BID: variants seen among roughly 807,000 people sequenced by gnomAD.
BID encodes BH3-interacting domain death agonist.
Under a neutral mutation model 17.4 loss-of-function variants are expected in BID, and 19 were observed. The ratio of observed to expected loss-of-function variants is 1.09; its 90% CI spans 0.76 to 1.60. The LOEUF (loss-of-function observed/expected upper bound fraction) is 1.60. Among genes scored for constraint, BID ranks in the 40% most tolerant of loss-of-function variants. The pLI is 0.00. For missense variants in BID, 226 were observed against 256.0 expected, an observed-to-expected ratio of 0.88 and a Z score of 0.80; for synonymous variants, 108 against 102.8, an observed-to-expected ratio of 1.05 and a Z score of -0.31.
chr22:17,753,038 C>T (rs2061552699), intron 1 of BID, among the ~76,000 whole-genome samples: 1 of 138,910 alleles, frequency 7.2e-6, no homozygotes. Flanking sequence ...GCAATCTCGG[C>T]TCACTGCAAG....
At chr22:17,765,884 T>C (rs2061674553) in intron 1 of BID, among the ~76,000 whole-genome samples, 1 of 152,216 alleles carries the variant, frequency 6.6e-6, no homozygotes. Flanking sequence ...ATTATTAGTC[T>C]CATTTGCCAA....
rs563402244 is a variant in BID, at chr22:17,744,801, C to T, written c.13-788G>A. On this transcript the variant is annotated intron_variant, in intron 2 of 5. Coordinates refer to ENST00000622694, the MANE Select transcript of BID (RefSeq NM_001196.4). ...CTGTATTCTTACAGGCAAAGGTGAG[C>T]CCTGCAGCTGGGTGTGCCCAGACCA... Among the ~76,000 whole-genome samples the T allele has an allele frequency of 6.6e-5, 10 of 152,234 alleles. No homozygotes were observed. The East Asian group carries it at 1.9e-3, about 29-fold the overall frequency.
chr22:17,762,827 G>T (rs1199593815), intron 1 of BID, among the ~76,000 whole-genome samples: 1 of 151,764 alleles, frequency 6.6e-6, no homozygotes, highest in Non-Finnish European at 1.5e-5. Context: ...GGGATCTAGA[G>T]ACCAAAAAGT....
At chr22:17,772,113 G>C (rs746922930) in intron 1 of BID, among the ~76,000 whole-genome samples, 2 of 152,086 alleles carry the variant, frequency 1.3e-5, no homozygotes, top group African/African-American at 4.8e-5. Context: ...TGCTACCCTC[G>C]TCTGACCACC....
In BID at chr22:17,750,168, T is replaced by C; in HGVS notation, c.-52A>G. 6.2e-7 allele frequency: 1 copy of C among 1,612,678 alleles called. No homozygotes were observed. Among genetic ancestry groups the C allele is most frequent in the Non-Finnish European group, 8.5e-7 (1 of 1,179,698 alleles). ...TCACTCCTGGTTCACAGTGTCCCAG[T>C]GGCGACCTGGAAAGGGACACACAGA... On this transcript the variant is annotated 5_prime_UTR_variant, in exon 2 of 6. Coordinates refer to ENST00000622694, the MANE Select transcript of BID (RefSeq NM_001196.4).
At chr22:17,770,349 T>C (rs1285562685) in intron 1 of BID, among the ~76,000 whole-genome samples, 1 of 152,180 alleles carries the variant, frequency 6.6e-6, no homozygotes, top group Non-Finnish European at 1.5e-5. Context: ...TGGGATCACA[T>C]GCAGTATCAG....
chr22:17,768,669 C>G (rs529813064), intron 1 of BID, among the ~76,000 whole-genome samples: 1 of 152,130 alleles, frequency 6.6e-6, no homozygotes, highest in Non-Finnish European at 1.5e-5. Flanking sequence ...GTCAGGAGAT[C>G]GAGACCATCC....
At chr22:17,771,703 G>A (rs557510576) in intron 1 of BID, among the ~76,000 whole-genome samples, 2 of 152,254 alleles carry the variant, frequency 1.3e-5, no homozygotes, top group East Asian at 3.9e-4. Flanking sequence ...CCCCATTTTG[G>A]ACCAACGCAG....
intron 1 of BID, among the ~76,000 whole-genome samples, chr22:17,756,458 T>TC (rs1419593388): frequency 1.1e-4 from 11 of 102,990 alleles, no homozygotes; most frequent in African/African-American, 3.4e-4. Context: ...TTTCTTTCTT[T>TC]CTTTCTTTCT....
At chr22:17,753,128 G>A (rs1029832488) in intron 1 of BID, among the ~76,000 whole-genome samples, 1 of 140,154 alleles carries the variant, frequency 7.1e-6, no homozygotes, top group Non-Finnish European at 1.5e-5. Flanking sequence ...CACCACGCCT[G>A]GCTAATTTTT....
At chr22:17,771,393 C>A (rs1165693836) in intron 1 of BID, among the ~76,000 whole-genome samples, 1 of 152,146 alleles carries the variant, frequency 6.6e-6, no homozygotes, top group Non-Finnish European at 1.5e-5. Flanking sequence ...GCCACCGCGC[C>A]CGGCTGGTCT....
At chr22:17,772,970 C>T (rs775853037) in intron 1 of BID, among the ~76,000 whole-genome samples, 4 of 152,188 alleles carry the variant, frequency 2.6e-5, no homozygotes, top group East Asian at 1.9e-4. Flanking sequence ...CAGCACCTCG[C>T]CCCAGCCACG....
chr22:17,740,746 G>C (rs994347328), intron 3 of BID: 1 of 156,364 alleles, frequency 6.4e-6, no homozygotes, highest in Admixed American at 6.2e-5. Flanking sequence ...AACTTTTAAA[G>C]GGAGCCAGGT....
At chr22:17,752,994 T>C (rs2061552076) in intron 1 of BID, among the ~76,000 whole-genome samples, 1 of 101,834 alleles carries the variant, frequency 9.8e-6, no homozygotes, top group Non-Finnish European at 1.9e-5. Flanking sequence ...TGAGATGGAG[T>C]CTCGCTCTGT....
At chr22:17,759,359 G>C (rs2061619707) in intron 1 of BID, among the ~76,000 whole-genome samples, 1 of 151,640 alleles carries the variant, frequency 6.6e-6, no homozygotes. Context: ...AGGTGTTCAA[G>C]ACCAGCCTGG....
intron 1 of BID, among the ~76,000 whole-genome samples, chr22:17,763,690 TTCC>T (rs1235775104): frequency 5.3e-5 from 8 of 151,218 alleles, no homozygotes; most frequent in African/African-American, 2.4e-5. Context: ...CCTTCTATGC[TTCC>T]TCAACATGAA....
intron 5 of BID, among the ~76,000 whole-genome samples, chr22:17,737,302 G>T (rs992092987): frequency 6.6e-6 from 1 of 152,028 alleles, no homozygotes; most frequent in Non-Finnish European, 1.5e-5. Context: ...CTCTGGAAAA[G>T]ATTTCAGACA....
Position 17,743,910 on chromosome 22 carries a change from G to T in BID, c.116C>A (p.Ala39Glu). 6.2e-7 allele frequency: 1 copy of T among 1,613,770 alleles called. No homozygotes were observed. Among genetic ancestry groups the T allele is most frequent in the Non-Finnish European group, 8.5e-7 (1 of 1,180,016 alleles). ...SDNSFRRELD[A>E]LGHELPVLAP... Reference sequence around the variant, plus strand: ...CAGCACTGGCAGCTCGTGGCCCAGTGCGTCCAGCTCTCTGCGGAAGCTGTT... The same window carrying T: ...CAGCACTGGCAGCTCGTGGCCCAGTTCGTCCAGCTCTCTGCGGAAGCTGTT... Residue 39 changes from alanine (A) to glutamate (E), a missense_variant, in exon 3 of 6, where the codon GCA becomes GAA. Coordinates refer to ENST00000622694, the MANE Select transcript of BID (RefSeq NM_001196.4).
rs2061737933 is a variant in BID at position 17,773,687 on chromosome 22, C to T, written c.-59+694G>A. ...CCATCATGACCCCAGCACCGCTGCA[C>T]ATTCGTATTTGTTGAATGAATGAAT... On this transcript the variant is annotated intron_variant, in intron 1 of 5. Transcript: ENST00000622694. This position sits in a 1 kb window ranked among gnomAD's most constrained non-coding sequence, Gnocchi z 4.4. 3.1e-6 allele frequency: 5 copies of T among 1,609,736 alleles called. No homozygotes were observed. The highest frequency in any genetic ancestry group is 1.7e-5 in the Admixed American group (1 of 59,998).
Sources: gnomAD v4.1 joint callset for allele counts (sites outside exome capture counted in the v4.1 genomes callset) on GRCh38, gnomAD v4.1.1 for gene constraint, Gnocchi (gnomAD v3.1) non-coding constraint, MANE v1.5 for transcripts, NCBI Gene and HGNC (gene_info 2026-07-23, HGNC 2026-07-21) for gene names.